The following MAP4 variants were observed in gnomAD, a reference collection of about 807,000 sequenced individuals.
The protein encoded by MAP4 is microtubule associated protein 4.
A neutral mutation model predicts 170.2 loss-of-function variants in MAP4; 76 were observed. The ratio of observed to expected loss-of-function variants is 0.45; its 90% CI spans 0.37 to 0.54. The LOEUF (loss-of-function observed/expected upper bound fraction) is 0.54, where lower values mean the gene tolerates loss of function less well. MAP4 is among the 20% of genes least tolerant of loss of function. The pLI, the probability that MAP4 is intolerant of heterozygous loss-of-function variation, is 0.00. For synonymous variants in MAP4, 909 were observed against 994.5 expected (o/e 0.91, Z 1.62); for missense variants, 2,506 against 2,748.0 (o/e 0.91, Z 1.97).
At chr3:47,878,624 C>CT (rs1217125574) in intron 10 of MAP4, among the ~76,000 whole-genome samples, 3 of 152,194 alleles carry the variant, frequency 2.0e-5, no homozygotes, top group African/African-American at 7.2e-5. Flanking sequence ...ACTGCAACCT[C>CT]TGTCTCCCCA....
In MAP4 at chr3:47,910,453, T is replaced by A; in HGVS notation, c.3968A>T (p.Asp1323Val). Residue 1323 changes from aspartate (D) to valine (V), a missense_variant, in exon 9 of 21, where the codon GAT (aspartate) becomes GTT (valine). Asp to Val is a radical substitution (Grantham distance 152). Around this residue, in one of 3 missense-constraint regions of MAP4, gnomAD observed 2,008 missense variants for 2,206.0 expected, o/e 0.91. Coordinates refer to ENST00000683076, the MANE Select transcript of MAP4 (RefSeq NM_001385682.1). The stretch of plus-strand genomic sequence containing the variant: ...CTGGATTTGCTCTTGGCAGCTCACA[T>A]CTGTCACCTTGGCAGGTGGTTCAGT... Reference protein sequence around the residue: ...TVTEPPAKVTDVSCQEQIQGA... With the variant: ...TVTEPPAKVTVVSCQEQIQGA... The A allele has an allele frequency of 6.5e-7, 1 of 1,536,110 alleles. No homozygotes were observed. The highest frequency in any genetic ancestry group is 8.7e-7 in the Non-Finnish European group (1 of 1,146,876).
chr3:48,045,821 G>A (rs952782982), intron 1 of MAP4, among the ~76,000 whole-genome samples: 10 of 152,154 alleles, frequency 6.6e-5, no homozygotes, highest in Admixed American at 5.9e-4. Flanking sequence ...GATTACAGGC[G>A]TAAGCCACCG....
At position 47,950,020 on chromosome 3, in the gene MAP4, C is replaced by A. The variant is rs897402792; in HGVS notation, c.293-21670G>T. Among the ~76,000 whole-genome samples the A allele has an allele frequency of 5.9e-5, 9 of 152,180 alleles. No homozygotes were observed. In the East Asian group the frequency reaches 1.5e-3, roughly 26 times the overall value. ...AAACAATACTCTTGCTTTTAACCCT[C>A]GGCTGGTGCCATCCTCAGGAACTTA... On this transcript the variant is annotated intron_variant, in intron 3 of 20. Coordinates refer to ENST00000683076, the MANE Select transcript of MAP4 (RefSeq NM_001385682.1).
At chr3:47,989,914 A>T (rs1489028248) in intron 2 of MAP4, among the ~76,000 whole-genome samples, 1 of 151,182 alleles carries the variant, frequency 6.6e-6, no homozygotes, top group East Asian at 1.9e-4. Context: ...TTTTTTTTTT[A>T]GAAACTAATC....
At chr3:47,940,291 C>T (rs2100055468) in intron 3 of MAP4, among the ~76,000 whole-genome samples, 1 of 152,158 alleles carries the variant, frequency 6.6e-6, no homozygotes, top group African/African-American at 2.4e-5. Flanking sequence ...GGCTCACTCC[C>T]ACATCTTTAT....
At position 47,911,108 on chromosome 3, in the gene MAP4, A is replaced by G. The variant is rs1024702469; in HGVS notation, c.3313T>C (p.Ser1105Pro). 1 of 1,536,136 alleles carries G rather than the reference A, an allele frequency of 6.5e-7. No homozygotes were observed. Among genetic ancestry groups the G allele is most frequent in the African/African-American group, 1.4e-5 (1 of 73,164 alleles). ...TGAGTAGTCATTCCTTCAGTTTTAGAGACTGGCTCACTCGGTATGAGAACA... is the reference window on the plus strand; with the variant it reads ...TGAGTAGTCATTCCTTCAGTTTTAGGGACTGGCTCACTCGGTATGAGAACA... Reference protein sequence around the residue: ...RAVLIPSEPVSKTEGMTTQDK... With the variant: ...RAVLIPSEPVPKTEGMTTQDK... Residue 1105 changes from serine to proline, a missense_variant, in exon 9 of 21, where the codon TCT becomes CCT. Coordinates refer to ENST00000683076, the MANE Select transcript of MAP4 (RefSeq NM_001385682.1). This position sits in a 1 kb window ranked among gnomAD's most constrained non-coding sequence, Gnocchi z 4.0.
chr3:47,941,488 G>A (rs1039880186), intron 3 of MAP4, among the ~76,000 whole-genome samples: 2 of 151,736 alleles, frequency 1.3e-5, no homozygotes, highest in African/African-American at 2.4e-5. Flanking sequence ...TTTTAAAAGC[G>A]AAACCATGGC....
chr3:47,931,747 A>C (rs773569199), intron 3 of MAP4: 3 of 148,914 alleles, frequency 2.0e-5, no homozygotes, highest in Non-Finnish European at 4.4e-5. Flanking sequence ...CTCTGATCTC[A>C]ACCTCCTCAA....
Position 47,910,647 on chromosome 3 carries a change from C to T in MAP4, c.3774G>A (p.Lys1258=). 1.3e-6 allele frequency: 2 copies of T among 1,536,062 alleles called. No individual in the cohort carries two copies. Among genetic ancestry groups the T allele is most frequent in the Non-Finnish European group, 1.7e-6 (2 of 1,146,886 alleles). Residue 1258 remains lysine, a synonymous_variant, in exon 9 of 21, where the codon AAG becomes AAA. Coordinates refer to ENST00000683076, the MANE Select transcript of MAP4 (RefSeq NM_001385682.1). ...TTTTGGGGAAAGTAAATCCTATTTC[C>T]TTGCTTTTATGGGGAATACTACCAG... ...GDTGSIPHKS[K]EIGFTFPKMH...
intron 3 of MAP4, among the ~76,000 whole-genome samples, chr3:47,953,805 G>A (rs1201070183): frequency 6.6e-6 from 1 of 152,130 alleles, no homozygotes; most frequent in African/African-American, 2.4e-5. Flanking sequence ...CTTGAGGCCA[G>A]GAGTTCAAGA....
chr3:47,940,325 G>A (rs2100055484), intron 3 of MAP4, among the ~76,000 whole-genome samples: 1 of 152,090 alleles, frequency 6.6e-6, no homozygotes, highest in Non-Finnish European at 1.5e-5. Flanking sequence ...CCTAGATTTT[G>A]TTCTTAAAAC....
chr3:47,863,827 C>T (rs1002323197), intron 17 of MAP4, among the ~76,000 whole-genome samples: 2 of 151,464 alleles, frequency 1.3e-5, no homozygotes, highest in African/African-American at 2.4e-5. Flanking sequence ...GTCTGTCTGT[C>T]GGGGGCATTT....
intron 18 of MAP4, among the ~76,000 whole-genome samples, chr3:47,856,111 G>A (rs910868621): frequency 6.6e-6 from 1 of 152,170 alleles, no homozygotes; most frequent in African/African-American, 2.4e-5. Context: ...GGGGAAGGGT[G>A]CGGGACGAGC....
At chr3:47,878,621 C>A (rs1040804906) in intron 10 of MAP4, among the ~76,000 whole-genome samples, 33 of 152,144 alleles carry the variant, frequency 2.2e-4, no homozygotes, top group Admixed American at 1.5e-3. Flanking sequence ...CTCACTGCAA[C>A]CTCTGTCTCC....
intron 3 of MAP4, among the ~76,000 whole-genome samples, chr3:47,940,011 T>C (rs998675371): frequency 3.3e-5 from 5 of 152,124 alleles, no homozygotes; most frequent in Admixed American, 3.3e-4. Context: ...CTAATTTTTG[T>C]ACTTTTAGTG....
chr3:48,032,602 T>C (rs1203573272), intron 1 of MAP4, among the ~76,000 whole-genome samples: 1 of 151,808 alleles, frequency 6.6e-6, no homozygotes, highest in East Asian at 1.9e-4. Flanking sequence ...GAGACAGAGG[T>C]TGCAGTGAGC....
At chr3:47,984,828 G>C (rs889600789) in intron 2 of MAP4, among the ~76,000 whole-genome samples, 1 of 152,032 alleles carries the variant, frequency 6.6e-6, no homozygotes, top group Admixed American at 6.6e-5. Context: ...AATTAGCCAG[G>C]TGTGGTGGCA....
At chr3:48,007,213 C>A (rs1281328743) in intron 1 of MAP4, among the ~76,000 whole-genome samples, 1 of 152,144 alleles carries the variant, frequency 6.6e-6, no homozygotes, top group Non-Finnish European at 1.5e-5. Flanking sequence ...AGAAATAAAT[C>A]CGACTAAAAT....
At chr3:48,012,842 C>T (rs1203687143) in intron 1 of MAP4, among the ~76,000 whole-genome samples, 6 of 152,102 alleles carry the variant, frequency 3.9e-5, no homozygotes, top group African/African-American at 1.4e-4. Flanking sequence ...ATTTCATCAA[C>T]AGTTAAGCTA....
Sources: gnomAD v4.1 joint callset for allele counts (sites outside exome capture counted in the v4.1 genomes callset) on GRCh38, gnomAD v4.1.1 for gene constraint, gnomAD v4.1.1 regional missense constraint, Gnocchi (gnomAD v3.1) non-coding constraint, MANE v1.5 for transcripts, NCBI Gene and HGNC (gene_info 2026-07-23, HGNC 2026-07-21) for gene names.